NPNT: variants seen among roughly 807,000 people sequenced by gnomAD.
The protein encoded by NPNT is nephronectin, also known as preosteoblast EGF-like repeat protein with MAM domain.
Under a neutral mutation model 68.6 loss-of-function variants are expected in NPNT, and 45 were observed. The ratio of observed to expected loss-of-function variants is 0.66; its 90% CI spans 0.52 to 0.84. The LOEUF is 0.84. NPNT is among the 40% of genes least tolerant of loss of function. The pLI, the probability that NPNT is intolerant of heterozygous loss-of-function variation, is 0.00. For missense variants in NPNT, 672 were observed against 714.8 expected (o/e 0.94, Z 0.68); for synonymous variants, 233 against 253.3 (o/e 0.92, Z 0.76).
intron 5 of NPNT, 35 bp downstream of exon 5, chr4:105,938,455 C>A: frequency 6.2e-7 from 1 of 1,607,006 alleles, no homozygotes; most frequent in East Asian, 2.2e-5. Context: ...TGTCAGCAGC[C>A]TCTGTAGGAT....
chr4:105,902,925 T>C (rs1726535756), intron 2 of NPNT: 1 of 152,200 alleles, frequency 6.6e-6, no homozygotes, highest in African/African-American at 2.4e-5. Flanking sequence ...CTGAAATCCC[T>C]TCATAAGCTT....
At chr4:105,965,934 G>A (rs142990857) in intron 10 of NPNT, among the ~76,000 whole-genome samples, 72 of 152,220 alleles carry the variant, frequency 4.7e-4, no homozygotes, top group African/African-American at 1.5e-3. Context: ...ACAACCTGCT[G>A]GGGAGCCCTT....
Position 105,970,787 on chromosome 4 carries a change from G to A in NPNT, c.*1797G>A. 3 of 339,302 alleles carry A rather than the reference G, an allele frequency of 8.8e-6. No homozygotes were observed. Among genetic ancestry groups the A allele is most frequent in the Non-Finnish European group, 1.7e-5 (3 of 175,244 alleles). 21.0% of individuals were successfully genotyped at this position (339,302 alleles called of 1,614,324 possible). ...CCCAAAAGATGTTTTGATCCTACTA[G>A]TAGTATGCAGTGAAAATCTTTAGAA... On this transcript the variant is annotated 3_prime_UTR_variant, in exon 12 of 12. Transcript: ENST00000379987.
intron 3 of NPNT, among the ~76,000 whole-genome samples, chr4:105,931,851 AGTT>A (rs1729139525): frequency 6.6e-6 from 1 of 152,002 alleles, no homozygotes; most frequent in South Asian, 2.1e-4. Flanking sequence ...AAAAAAAGGA[AGTT>A]GTATGCTTTC....
At chr4:105,916,878 T>C (rs1167010278) in intron 2 of NPNT, among the ~76,000 whole-genome samples, 1 of 152,122 alleles carries the variant, frequency 6.6e-6, no homozygotes, top group African/African-American at 2.4e-5. Context: ...TATTTATTAA[T>C]AAAAGGGATT....
chr4:105,914,766 A>G (rs1048612056), intron 2 of NPNT, among the ~76,000 whole-genome samples: 7 of 152,014 alleles, frequency 4.6e-5, no homozygotes, highest in African/African-American at 1.7e-4. Context: ...TATCCTGGGC[A>G]CACAGAAAAA....
rs1055406800 is a variant in NPNT, at chr4:105,926,099, T to C, written c.173-1237T>C. On this transcript the variant is annotated intron_variant, in intron 2 of 11. Transcript: ENST00000379987. ...TACTTGCCTGTGAAATATTCTTCTCTTGGGTAGTCTGCTCCCTTCTCTGTC... is the reference window on the plus strand; with the variant it reads ...TACTTGCCTGTGAAATATTCTTCTCCTGGGTAGTCTGCTCCCTTCTCTGTC... Among the ~76,000 whole-genome samples, 3 of 152,270 alleles carry C rather than the reference T, an allele frequency of 2.0e-5. No individual in the cohort carries two copies. The East Asian group carries it at 5.8e-4, about 29-fold the overall frequency.
At chr4:105,943,305 A>T (rs931928524) in intron 8 of NPNT, among the ~76,000 whole-genome samples, 1 of 152,236 alleles carries the variant, frequency 6.6e-6, no homozygotes, top group African/African-American at 2.4e-5. Context: ...AGCAAAGTGG[A>T]TGAGGAAAGG....
intron 2 of NPNT, among the ~76,000 whole-genome samples, chr4:105,898,342 C>CTG (rs1726100354): frequency 7.4e-6 from 1 of 134,244 alleles, no homozygotes; most frequent in African/African-American, 3.2e-5. Flanking sequence ...CTCTCTCTCT[C>CTG]TCTCTCTCTC....
intron 2 of NPNT, among the ~76,000 whole-genome samples, chr4:105,902,418 G>T (rs893855219): frequency 2.0e-5 from 3 of 152,186 alleles, no homozygotes; most frequent in Admixed American, 6.5e-5. Flanking sequence ...AAGGGGTGGG[G>T]ATTGTACTGT....
At chr4:105,916,779 A>G (rs28544485) in intron 2 of NPNT, among the ~76,000 whole-genome samples, 17,787 of 152,030 alleles carry the variant, frequency 0.12, 1,957 homozygotes, top group African/African-American at 0.3. Context: ...GCAGTGTCTT[A>G]TACATCTTTA....
At position 105,959,792 on chromosome 4, in the gene NPNT, C is replaced by G. The variant is rs144851160; in HGVS notation, c.1345+666C>G. On this transcript the variant is annotated intron_variant, in intron 10 of 11. Coordinates refer to ENST00000379987, the MANE Select transcript of NPNT (RefSeq NM_001033047.3). ...CTTCTAGATTCAAGATAGCTTTTCT[C>G]CCCTCAGTAGTTAAATCTTTTTTTT... is the stretch of plus-strand genomic sequence containing the variant. 3.7e-3 allele frequency among the ~76,000 whole-genome samples: 554 copies of G among 151,464 alleles called. 4 individuals are homozygous for G. The highest frequency in any genetic ancestry group is 6.2e-3 in the Non-Finnish European group (418 of 67,874).
At chr4:105,927,528 C>A in intron 3 of NPNT, 100 bp downstream of exon 3, 34 of 558,692 alleles carry the variant, frequency 6.1e-5, no homozygotes, top group South Asian at 3.4e-4. Flanking sequence ...GGCTATTTTT[C>A]CAAAATATGT....
chr4:105,908,184 C>G (rs774261907), intron 2 of NPNT, among the ~76,000 whole-genome samples: 2 of 151,704 alleles, frequency 1.3e-5, no homozygotes, highest in Non-Finnish European at 2.9e-5. Flanking sequence ...ACTTCATTTT[C>G]TGCCATACAT....
chr4:105,917,457 G>T lies in NPNT; in HGVS notation c.173-9879G>T, dbSNP rs1233883356. 2.0e-5 allele frequency among the ~76,000 whole-genome samples: 3 copies of T among 151,948 alleles called. No individual in the cohort carries two copies. In the East Asian group the frequency reaches 5.8e-4, roughly 29 times the overall value. ...TTGTACACCTGTCATGTCTATCTTT[G>T]TCAGGAGACTGTACACTACAGAGCA... On this transcript the variant is annotated intron_variant, in intron 2 of 11. Transcript: ENST00000379987.
intron 1 of NPNT, 55 bp downstream of exon 1, chr4:105,895,778 C>T: frequency 7.0e-7 from 1 of 1,432,432 alleles, no homozygotes; most frequent in African/African-American, 1.4e-5. Context: ...TTCACACTCA[C>T]TGTCTTGGGT....
In NPNT at chr4:105,927,395, C is replaced by T. The variant is rs2149354668; in HGVS notation, c.232C>T (p.His78Tyr). ...TATCGGGCCAAACAAGTGCAAGTGT[C>T]ATCCTGGTTATGCTGGAAAAACCTG... is the stretch of plus-strand genomic sequence containing the variant. ...ECIGPNKCKC[H>Y]PGYAGKTCNQ... The change falls in exon 3 of 12, where the codon CAT becomes TAT. Residue 78 changes from histidine to tyrosine, a missense_variant. By Grantham distance (83) the His-to-Tyr change is moderately conservative (BLOSUM62 2). Coordinates refer to ENST00000379987, the MANE Select transcript of NPNT (RefSeq NM_001033047.3). The T allele has an allele frequency of 6.2e-7, 1 of 1,612,656 alleles. No homozygotes were observed. Among genetic ancestry groups the T allele is most frequent in the East Asian group, 2.2e-5 (1 of 44,810 alleles).
At position 105,932,547 on chromosome 4, in the gene NPNT, A is replaced by G. The variant is rs530227938; in HGVS notation, c.266-4462A>G. 324 of 1,073,908 alleles carry G rather than the reference A, an allele frequency of 3.0e-4. 3 individuals are homozygous for G. The highest frequency in any genetic ancestry group is 2.5e-3 in the South Asian group (181 of 71,680). The allele number at this position is 1,073,908 out of a possible 1,614,324, so 66.5% of individuals were successfully genotyped here. ...GTAATTGTTTAATATATACTTGCAA[A>G]GATTTTTAGGGCTAAAATTGACATC... On this transcript the variant is annotated intron_variant, in intron 3 of 11. Transcript: ENST00000379987.
chr4:105,926,725 G>A lies in NPNT; in HGVS notation c.173-611G>A, dbSNP rs150190418. On this transcript the variant is annotated intron_variant, in intron 2 of 11. Coordinates refer to ENST00000379987, the MANE Select transcript of NPNT (RefSeq NM_001033047.3). ...AAACTGAGAACGTCCTATTTGCTAT[G>A]TTAGGGCATAGAAAGGCCATTATAG... is the stretch of plus-strand genomic sequence containing the variant. Among the ~76,000 whole-genome samples, 603 of 152,252 alleles carry A rather than the reference G, an allele frequency of 4.0e-3. 4 individuals are homozygous for A. Among genetic ancestry groups the A allele is most frequent in the South Asian group, 7.0e-3 (34 of 4,826 alleles).
Sources: gnomAD v4.1 joint callset for allele counts (sites outside exome capture counted in the v4.1 genomes callset) on GRCh38, gnomAD v4.1.1 for gene constraint, MANE v1.5 for transcripts, NCBI Gene and HGNC (gene_info 2026-07-23, HGNC 2026-07-21) for gene names.